Variants in RNLS observed in about 807,000 individuals in gnomAD.
RNLS encodes renalase.
In RNLS, 39 loss-of-function variants were observed where a neutral mutation model predicts 39.8. The ratio of observed to expected loss-of-function variants is 0.98; its 90% CI spans 0.76 to 1.28. RNLS has a LOEUF of 1.28. RNLS is among the 50% of genes most tolerant of loss of function. The pLI is 0.00. For missense variants in RNLS, 410 were observed against 413.3 expected, an observed-to-expected ratio of 0.99 and a Z score of 0.07; for synonymous variants, 147 against 150.7, an observed-to-expected ratio of 0.98 and a Z score of 0.18.
chr10:88,249,792 T>A, the RNLS span, among the ~76,000 whole-genome samples: 1 of 152,220 alleles, frequency 6.6e-6, no homozygotes, highest in African/African-American at 2.4e-5. Context: ...CTCTCTTTTA[T>A]GTACTAGCTT....
At chr10:88,441,224 A>G (rs1468905801) in intron 4 of RNLS, among the ~76,000 whole-genome samples, 2 of 152,160 alleles carry the variant, frequency 1.3e-5, no homozygotes, top group Non-Finnish European at 2.9e-5. Flanking sequence ...CCTACCTTGA[A>G]CAATCATTGT....
chr10:88,388,895 T>C (rs1852025313), intron 4 of RNLS, among the ~76,000 whole-genome samples: 1 of 152,132 alleles, frequency 6.6e-6, no homozygotes, highest in South Asian at 2.1e-4. Context: ...AATGAATAAG[T>C]GAATAAATAT....
the RNLS span, among the ~76,000 whole-genome samples, chr10:88,245,289 C>A: frequency 6.6e-6 from 1 of 152,200 alleles, no homozygotes; most frequent in African/African-American, 2.4e-5. Context: ...GATTGCCCAG[C>A]ACCATTGTTC....
chr10:88,218,394 G>A, the RNLS span, among the ~76,000 whole-genome samples: 13 of 152,228 alleles, frequency 8.5e-5, no homozygotes, highest in Admixed American at 7.2e-4. Flanking sequence ...AATGGTGGGC[G>A]GGCTGCCGGG....
At chr10:88,432,570 G>C (rs574444768) in intron 4 of RNLS, among the ~76,000 whole-genome samples, 1 of 151,530 alleles carries the variant, frequency 6.6e-6, no homozygotes, top group South Asian at 2.1e-4. Context: ...TCTTCTTCTG[G>C]ATTAACCAAG....
the RNLS span, among the ~76,000 whole-genome samples, chr10:88,203,361 T>TAC: frequency 0.033 from 468 of 14,392 alleles, 82 homozygotes; most frequent in African/African-American, 0.11. Flanking sequence ...TATATACGTA[T>TAC]GTGTGTGTAT....
Position 88,363,270 on chromosome 10 carries a change from A to T in RNLS, c.527-545T>A, listed in dbSNP as rs371242563. Among the ~76,000 whole-genome samples, 3 of 152,230 alleles carry T rather than the reference A, an allele frequency of 2.0e-5. No individual in the cohort carries two copies. The East Asian group carries it at 5.8e-4, about 29-fold the overall frequency. ...GATGGGGGCATTGGGGAGGGACAGC[A>T]TCAGGATGAAGAGCTAATGGATGCT... is the stretch of plus-strand genomic sequence containing the variant. On this transcript the variant is annotated intron_variant, in intron 4 of 6. Coordinates refer to ENST00000331772, the MANE Select transcript of RNLS (RefSeq NM_001031709.3).
intron 4 of RNLS, among the ~76,000 whole-genome samples, chr10:88,553,786 G>A (rs1410756620): frequency 2.0e-5 from 3 of 151,990 alleles, no homozygotes; most frequent in African/African-American, 7.2e-5. Context: ...CTCTATGTAC[G>A]CTAAAGAAAC....
intron 4 of RNLS, among the ~76,000 whole-genome samples, chr10:88,553,681 T>C (rs1848707703): frequency 6.6e-6 from 1 of 152,150 alleles, no homozygotes. Flanking sequence ...AATTTTTTCT[T>C]TTATGAATTT....
rs1239248799 is a variant in RNLS at position 88,470,646 on chromosome 10, C to T, written c.526+102257G>A. On this transcript the variant is annotated intron_variant, in intron 4 of 6. Transcript: ENST00000331772. Reference sequence around the variant, plus strand: ...TTTTTTTTTTTTTGAGACAGAGTCTCGCTCTGTTGCCCAGGCTGGAGTGCT... The same window carrying T: ...TTTTTTTTTTTTTGAGACAGAGTCTTGCTCTGTTGCCCAGGCTGGAGTGCT... Among the ~76,000 whole-genome samples the T allele has an allele frequency of 7.0e-4, 98 of 139,466 alleles. 1 individual carries two copies. In the South Asian group the frequency reaches 7.3e-3, roughly 10 times the overall value. The allele number at this position is 139,466 out of a possible 152,430, so 91.5% of individuals were successfully genotyped here.
intron 4 of RNLS, among the ~76,000 whole-genome samples, chr10:88,524,694 A>G (rs1046193129): frequency 6.6e-6 from 1 of 151,922 alleles, no homozygotes; most frequent in African/African-American, 2.4e-5. Flanking sequence ...CAGATATAGA[A>G]CATTTCCAGG....
At chr10:88,474,525 A>G (rs1313639448) in intron 4 of RNLS, among the ~76,000 whole-genome samples, 3 of 152,204 alleles carry the variant, frequency 2.0e-5, no homozygotes, top group Non-Finnish European at 4.4e-5. Flanking sequence ...TGACTCTCCT[A>G]GTTCACAGCA....
At chr10:88,483,511 C>T (rs1844324223) in intron 4 of RNLS, among the ~76,000 whole-genome samples, 1 of 152,136 alleles carries the variant, frequency 6.6e-6, no homozygotes, top group Non-Finnish European at 1.5e-5. Flanking sequence ...TTGATGGCTA[C>T]TAATTTTGTA....
chr10:88,477,261 C>CT (rs5786823), intron 4 of RNLS, among the ~76,000 whole-genome samples: 27,022 of 152,044 alleles, frequency 0.18, 2,715 homozygotes, highest in Admixed American at 0.27. Flanking sequence ...ATATTCAGGA[C>CT]TTGCTCACAG....
rs200921537 is a variant in RNLS, at chr10:88,403,509, A to G, written c.527-40784T>C. On this transcript the variant is annotated intron_variant, in intron 4 of 6. Coordinates refer to ENST00000331772, the MANE Select transcript of RNLS (RefSeq NM_001031709.3). ...ATATGATGCCTGAAATTTCCATCAAATAATTTTGGGTCACATTGGGATTAT... is the reference window on the plus strand; with the variant it reads ...ATATGATGCCTGAAATTTCCATCAAGTAATTTTGGGTCACATTGGGATTAT... Among the ~76,000 whole-genome samples, 43 of 152,218 alleles carry G rather than the reference A, an allele frequency of 2.8e-4. No individual in the cohort carries two copies. The East Asian group carries it at 8.3e-3, about 29-fold the overall frequency.
At chr10:88,197,547 A>C in the RNLS span, among the ~76,000 whole-genome samples, 1 of 152,324 alleles carries the variant, frequency 6.6e-6, no homozygotes, top group Non-Finnish European at 1.5e-5. Context: ...AATAAGAGAT[A>C]ATTATTGAGT....
chr10:88,400,898 T>C (rs935442284), intron 4 of RNLS, among the ~76,000 whole-genome samples: 12 of 152,016 alleles, frequency 7.9e-5, no homozygotes, highest in Admixed American at 7.9e-4. Flanking sequence ...AATACAGATA[T>C]GTAACTCAAA....
At chr10:88,571,461 C>T (rs1392886027) in intron 4 of RNLS, among the ~76,000 whole-genome samples, 1 of 152,154 alleles carries the variant, frequency 6.6e-6, no homozygotes, top group Non-Finnish European at 1.5e-5. Flanking sequence ...CAATCATACT[C>T]AAAGTGATTT....
At chr10:88,352,396 G>T (rs940152166) in intron 5 of RNLS, among the ~76,000 whole-genome samples, 2 of 152,174 alleles carry the variant, frequency 1.3e-5, no homozygotes, top group African/African-American at 4.8e-5. Flanking sequence ...TTTATTGAGA[G>T]TTTTTAGCAT....
Sources: allele counts gnomAD v4.1 joint callset (sites outside exome capture counted in the v4.1 genomes callset), GRCh38; gene constraint gnomAD v4.1.1; transcripts MANE v1.5; gene names NCBI Gene and HGNC (gene_info 2026-07-23, HGNC 2026-07-21).